ROR2: variants seen among roughly 807,000 people sequenced by gnomAD.
ROR2 encodes ROR family WNT receptor 2, also known as tyrosine-protein kinase transmembrane receptor ROR2.
Under a neutral mutation model 74.9 loss-of-function variants are expected in ROR2, and 33 were observed. The ratio of observed to expected loss-of-function variants is 0.44; its 90% CI spans 0.33 to 0.59. The LOEUF (loss-of-function observed/expected upper bound fraction) is 0.59, where lower values mean the gene tolerates loss of function less well. Among genes scored for constraint, ROR2 ranks in the 20% least tolerant of loss-of-function variants. The probability of loss-of-function intolerance (pLI) is 0.02; values close to 1 mark genes in which losing one functional copy is unlikely to be tolerated. For missense variants in ROR2, 1,216 were observed against 1,313.8 expected, an observed-to-expected ratio of 0.93 and a Z score of 1.15; for synonymous variants, 586 against 558.7, an observed-to-expected ratio of 1.05 and a Z score of -0.69.
In ROR2 at chr9:91,737,411, T is replaced by C. The variant is rs1366464165; in HGVS notation, c.602A>G (p.Glu201Gly). 6.2e-7 allele frequency: 1 copy of C among 1,613,938 alleles called. No homozygotes were observed. The highest frequency in any genetic ancestry group is 1.7e-5 in the Admixed American group (1 of 60,004). ...CCTACCTGTGATTCGGTTTTCAATCTCCCCCTGCATCTGAAGCGAGTCCAC... is the reference window on the plus strand; with the variant it reads ...CCTACCTGTGATTCGGTTTTCAATCCCCCCCTGCATCTGAAGCGAGTCCAC... ...IYVDSLQMQG[E>G]IENRITAAFT... Residue 201 changes from glutamate (E) to glycine (G), a missense_variant, in exon 5 of 9, where the codon GAG becomes GGG. Transcript: ENST00000375708.
At chr9:91,762,300 AT>A (rs1269738564) in intron 2 of ROR2, among the ~76,000 whole-genome samples, 1 of 152,194 alleles carries the variant, frequency 6.6e-6, no homozygotes, top group African/African-American at 2.4e-5. Flanking sequence ...GTTTTTAAAG[AT>A]CTTGCCACTT....
At chr9:91,728,566 G>GC (rs1421223849) in intron 7 of ROR2, among the ~76,000 whole-genome samples, 1 of 152,148 alleles carries the variant, frequency 6.6e-6, no homozygotes, top group East Asian at 1.9e-4. Flanking sequence ...GACTAGCTGG[G>GC]ATTACAGGCG....
rs1047278186 is a variant in ROR2 at position 91,745,044 on chromosome 9, C to T, written c.495-7526G>A. ...CGGCATTCCATGTGTGAGTGCACAT[C>T]AAGTGTGCACATTTTCATTATTGTT... On this transcript the variant is annotated intron_variant, in intron 4 of 8. Coordinates refer to ENST00000375708, the MANE Select transcript of ROR2 (RefSeq NM_004560.4). Among the ~76,000 whole-genome samples, 11 of 152,316 alleles carry T rather than the reference C, an allele frequency of 7.2e-5. No homozygotes were observed. The East Asian group carries it at 2.1e-3, about 29-fold the overall frequency.
chr9:91,866,370 G>A lies in ROR2; in HGVS notation c.97+83497C>T, dbSNP rs139780626. On this transcript the variant is annotated intron_variant, in intron 1 of 8. Transcript: ENST00000375708. ...TCTGATCTCATTATCTGCCCGCCTC[G>A]GCCTCCCAAAGGGCTAGGATTACAG... Among the ~76,000 whole-genome samples, 406 of 150,072 alleles carry A rather than the reference G, an allele frequency of 2.7e-3. 1 individual carries two copies. Among genetic ancestry groups the A allele is most frequent in the African/African-American group, 9.9e-3 (401 of 40,646 alleles).
In ROR2 at chr9:91,733,415, G is replaced by A. The variant is rs1453971459; in HGVS notation, c.644C>T (p.Thr215Met). 4 of 1,611,340 alleles carry A rather than the reference G, an allele frequency of 2.5e-6. No homozygotes were observed. Among genetic ancestry groups the A allele is most frequent in the Non-Finnish European group, 2.5e-6 (3 of 1,179,696 alleles). ...RITAAFTMIGTSTHLSDQCSQ... is the reference protein window; with the variant it reads ...RITAAFTMIGMSTHLSDQCSQ... Reference sequence around the variant, plus strand: ...GCACTGGTCCGACAGGTGCGTAGACGTGCCGATCATGGTGAAGGCCGCTGC... The same window carrying A: ...GCACTGGTCCGACAGGTGCGTAGACATGCCGATCATGGTGAAGGCCGCTGC... Residue 215 changes from threonine to methionine, a missense_variant, in exon 6 of 9, where the codon ACG becomes ATG. Physicochemically the swap from Thr to Met is moderately conservative, Grantham distance 81. Coordinates refer to ENST00000375708, the MANE Select transcript of ROR2 (RefSeq NM_004560.4). This position sits in a 1 kb window ranked among gnomAD's most constrained non-coding sequence, Gnocchi z 5.7.
intron 1 of ROR2, among the ~76,000 whole-genome samples, chr9:91,811,936 T>G (rs1400907471): frequency 6.6e-6 from 1 of 152,224 alleles, no homozygotes; most frequent in African/African-American, 2.4e-5. Context: ...CTTTTTACTC[T>G]GGTTTGGTCT....
intron 1 of ROR2, among the ~76,000 whole-genome samples, chr9:91,934,086 C>G (rs1831619871): frequency 6.6e-6 from 1 of 152,046 alleles, no homozygotes; most frequent in Admixed American, 6.5e-5. Flanking sequence ...AGCATCAAGT[C>G]TGTTCAGTGT....
chr9:91,805,852 G>A (rs913746308), intron 1 of ROR2, among the ~76,000 whole-genome samples: 2 of 152,204 alleles, frequency 1.3e-5, no homozygotes, highest in Admixed American at 6.5e-5. Context: ...CCCCATGAGG[G>A]TGCAGGTACA....
At chr9:91,862,021 C>T (rs1829483247) in intron 1 of ROR2, among the ~76,000 whole-genome samples, 1 of 151,942 alleles carries the variant, frequency 6.6e-6, no homozygotes, top group South Asian at 2.1e-4. Context: ...GAGATTGGTG[C>T]CCTTATAAGA....
At chr9:91,887,699 T>C (rs2119387886) in intron 1 of ROR2, among the ~76,000 whole-genome samples, 1 of 152,242 alleles carries the variant, frequency 6.6e-6, no homozygotes, top group South Asian at 2.1e-4. Context: ...TTTCCAGTAA[T>C]TGCTAAATTG....
Position 91,909,842 on chromosome 9 carries a change from G to GTTTTTTTTTT in ROR2, c.97+40024_97+40025insAAAAAAAAAA, listed in dbSNP as rs1232142986. 6.4e-4 allele frequency among the ~76,000 whole-genome samples: 36 copies of GTTTTTTTTTT among 55,976 alleles called. 3 individuals are homozygous for GTTTTTTTTTT. Among genetic ancestry groups the GTTTTTTTTTT allele is most frequent in the East Asian group, 2.2e-3 (4 of 1,800 alleles). 36.7% of individuals were successfully genotyped at this position (55,976 alleles called of 152,430 possible). ...TTTATTCTTTTTTTTTTTTAGGTTT[G>GTTTTTTTTTT]TTTTGTTTTTTTTTTTTTTTTTTTT... On this transcript the variant is annotated intron_variant, in intron 1 of 8. Transcript: ENST00000375708.
intron 1 of ROR2, chr9:91,886,874 C>A (rs182161623): frequency 6.6e-6 from 1 of 152,190 alleles, no homozygotes; most frequent in East Asian, 1.9e-4. Context: ...CATTTAAGAG[C>A]CCGCAGGAGA....
intron 2 of ROR2, among the ~76,000 whole-genome samples, chr9:91,769,594 C>T (rs1031512375): frequency 2.0e-5 from 3 of 152,028 alleles, no homozygotes; most frequent in African/African-American, 7.2e-5. Context: ...CTGCTCTGAG[C>T]GGGACTCTAC....
chr9:91,821,095 CG>C (rs1828125531), intron 1 of ROR2, among the ~76,000 whole-genome samples: 1 of 136,126 alleles, frequency 7.3e-6, no homozygotes, highest in Admixed American at 8.2e-5. Context: ...AATGAGACTT[CG>C]TCTCAAAAAA....
At chr9:91,908,061 T>C (rs1420405690) in intron 1 of ROR2, among the ~76,000 whole-genome samples, 1 of 151,870 alleles carries the variant, frequency 6.6e-6, no homozygotes, top group African/African-American at 2.4e-5. Flanking sequence ...CAAAACCCTA[T>C]GACAAAAAGT....
chr9:91,872,595 T>C (rs1353446261), intron 1 of ROR2, among the ~76,000 whole-genome samples: 1 of 152,242 alleles, frequency 6.6e-6, no homozygotes, highest in African/African-American at 2.4e-5. Context: ...GGTGTGTTTA[T>C]AGGCCATTTT....
At chr9:91,792,544 G>C (rs1053257276) in intron 1 of ROR2, among the ~76,000 whole-genome samples, 10 of 152,164 alleles carry the variant, frequency 6.6e-5, no homozygotes, top group African/African-American at 2.4e-4. Flanking sequence ...TCCTGACCTT[G>C]TGATCCGCCC....
rs534089421 is a variant in ROR2, at chr9:91,730,315, T to A, written c.1183+595A>T. 2.8e-3 allele frequency among the ~76,000 whole-genome samples: 429 copies of A among 152,232 alleles called. 1 individual carries two copies. Among genetic ancestry groups the A allele is most frequent in the Non-Finnish European group, 4.5e-3 (309 of 68,000 alleles). On this transcript the variant is annotated intron_variant, in intron 7 of 8. Coordinates refer to ENST00000375708, the MANE Select transcript of ROR2 (RefSeq NM_004560.4). ...CATCCATACATGGGAAAAGGGCTGA[T>A]GGAAGGGGGTGGGCCAAAACGCAAA...
intron 1 of ROR2, among the ~76,000 whole-genome samples, chr9:91,817,381 T>C (rs1356314344): frequency 6.6e-6 from 1 of 152,156 alleles, no homozygotes; most frequent in East Asian, 1.9e-4. Context: ...ATAGGACCAC[T>C]GCAGGTGGCC....
Sources: gnomAD v4.1 joint callset for allele counts (sites outside exome capture counted in the v4.1 genomes callset) on GRCh38, gnomAD v4.1.1 for gene constraint, Gnocchi (gnomAD v3.1) non-coding constraint, MANE v1.5 for transcripts, NCBI Gene and HGNC (gene_info 2026-07-23, HGNC 2026-07-21) for gene names.